LMNTD1: variants seen among roughly 807,000 people sequenced by gnomAD.
The protein encoded by LMNTD1 is lamin tail domain containing 1, also known as lamin tail domain-containing protein 1.
LMNTD1 carries 35 observed loss-of-function variants against 50.9 expected under a neutral mutation model. The ratio of observed to expected loss-of-function variants is 0.69; its 90% CI spans 0.53 to 0.91. LMNTD1 has a LOEUF of 0.91. Ranked by LOEUF, LMNTD1 falls within the 40% of genes least tolerant of loss-of-function variation. The pLI is 0.00. For synonymous variants in LMNTD1, 153 were observed against 161.9 expected (o/e 0.94, Z 0.42); for missense variants, 470 against 475.5 (o/e 0.99, Z 0.11).
chr12:25,627,300 GTTC>G (rs1395059420), intron 1 of LMNTD1, among the ~76,000 whole-genome samples: 2 of 152,112 alleles, frequency 1.3e-5, no homozygotes, highest in African/African-American at 2.4e-5. Flanking sequence ...TTTTCTTTCA[GTTC>G]TTTTTTCTTT....
At chr12:25,529,484 C>T (rs1467164560) in intron 4 of LMNTD1, among the ~76,000 whole-genome samples, 1 of 152,132 alleles carries the variant, frequency 6.6e-6, no homozygotes, top group Non-Finnish European at 1.5e-5. Flanking sequence ...TGAATTGCAC[C>T]ATTTACTCTG....
rs558489958 is a variant in LMNTD1, at chr12:25,552,344, C to T, written c.89+527G>A. Among the ~76,000 whole-genome samples the T allele has an allele frequency of 2.6e-5, 4 of 151,900 alleles. No individual in the cohort carries two copies. In the East Asian group the frequency reaches 5.8e-4, roughly 22 times the overall value. On this transcript the variant is annotated intron_variant, in intron 2 of 9. Transcript: ENST00000458174. Reference sequence around the variant, plus strand: ...TTAAATGGGAACTTTGGAGGCCAGGCGCGGTGGCTCACGCTTGTAATCCCA... The same window carrying T: ...TTAAATGGGAACTTTGGAGGCCAGGTGCGGTGGCTCACGCTTGTAATCCCA...
At chr12:25,572,264 G>A (rs1414087492) in intron 1 of LMNTD1, among the ~76,000 whole-genome samples, 1 of 152,094 alleles carries the variant, frequency 6.6e-6, no homozygotes, top group Non-Finnish European at 1.5e-5. Flanking sequence ...AACATTATGG[G>A]AAAGGTCCTT....
At chr12:25,613,431 C>T (rs1183553890) in intron 1 of LMNTD1, among the ~76,000 whole-genome samples, 1 of 152,140 alleles carries the variant, frequency 6.6e-6, no homozygotes, top group Non-Finnish European at 1.5e-5. Context: ...AAAACAATAC[C>T]TGATCAATCT....
At chr12:25,551,493 G>T (rs2136250741) in intron 2 of LMNTD1, among the ~76,000 whole-genome samples, 1 of 152,204 alleles carries the variant, frequency 6.6e-6, no homozygotes, top group Admixed American at 6.5e-5. Flanking sequence ...GGGTTCAAGT[G>T]ATCCTCCCGC....
intron 6 of LMNTD1, among the ~76,000 whole-genome samples, chr12:25,524,042 T>A (rs1338416432): frequency 6.6e-6 from 1 of 151,974 alleles, no homozygotes; most frequent in Non-Finnish European, 1.5e-5. Flanking sequence ...GTCCAGAAGG[T>A]GAAAATGGGC....
chr12:25,640,978 T>A (rs1460812184), intron 1 of LMNTD1, among the ~76,000 whole-genome samples: 1 of 152,222 alleles, frequency 6.6e-6, no homozygotes, highest in Admixed American at 6.5e-5. Context: ...GAAAAGTGTT[T>A]TTAATTTGAA....
chr12:25,514,293 A>G (rs1940570616), intron 8 of LMNTD1, among the ~76,000 whole-genome samples: 2 of 152,156 alleles, frequency 1.3e-5, no homozygotes, highest in Admixed American at 1.3e-4. Flanking sequence ...GTTGAGACAA[A>G]TGGTTTTCCA....
rs190251468 is a variant in LMNTD1 at position 25,578,672 on chromosome 12, G to C, written c.59-32118C>G. Among the ~76,000 whole-genome samples the C allele has an allele frequency of 1.6e-4, 24 of 152,264 alleles. No individual in the cohort carries two copies. In the East Asian group the frequency reaches 4.4e-3, roughly 28 times the overall value. On this transcript the variant is annotated intron_variant, in intron 1 of 7. Transcript: ENST00000445693. ...CCCACAGTTGCCATTTGCCAAGTCA[G>C]CATTGAATTTTTATGTGCAGCCTGT...
At position 25,495,566 on chromosome 12, in the gene LMNTD1, T is replaced by C. The variant is rs78859930; in HGVS notation, c.*22+8172A>G. Among the ~76,000 whole-genome samples, 521 of 152,280 alleles carry C rather than the reference T, an allele frequency of 3.4e-3. 5 individuals carry two copies. Among genetic ancestry groups the C allele is most frequent in the African/African-American group, 0.012 (496 of 41,572 alleles). ...TAAAGCCCATTGCTATCTAAGGCTG[T>C]TGAAACCTAAAAATCAATCTTTTAG... On this transcript the variant is annotated intron_variant, in intron 9 of 9. Coordinates refer to ENST00000458174, the MANE Select transcript of LMNTD1 (RefSeq NM_001145728.2).
At chr12:25,623,704 C>T (rs942003127) in intron 1 of LMNTD1, among the ~76,000 whole-genome samples, 1 of 151,950 alleles carries the variant, frequency 6.6e-6, no homozygotes. Context: ...TCTCCAATAA[C>T]ATTGGATATC....
At position 25,639,418 on chromosome 12, in the gene LMNTD1, A is replaced by T. The variant is rs1410675775; in HGVS notation, c.58+9076T>A. 6.6e-5 allele frequency among the ~76,000 whole-genome samples: 10 copies of T among 152,306 alleles called. No individual in the cohort carries two copies. The East Asian group carries it at 1.3e-3, about 21-fold the overall frequency. ...AAGAAAATATTTCCAAAGCTGATAA[A>T]AATCACGTGTCCAGAATACATAAAG... On this transcript the variant is annotated intron_variant, in intron 1 of 7. Transcript: ENST00000445693.
chr12:25,547,206 T>C (rs1323932355), intron 3 of LMNTD1: 21 of 964,908 alleles, frequency 2.2e-5, no homozygotes, highest in Non-Finnish European at 2.6e-5. Flanking sequence ...TAATAATATA[T>C]CCGCAAAGGG....
intron 1 of LMNTD1, among the ~76,000 whole-genome samples, chr12:25,625,592 T>A (rs1176953666): frequency 6.6e-6 from 1 of 152,202 alleles, no homozygotes; most frequent in African/African-American, 2.4e-5. Context: ...TTGAGCCCCC[T>A]GCTCAAGTGC....
At chr12:25,594,923 G>A (rs538998053) in intron 1 of LMNTD1, among the ~76,000 whole-genome samples, 62 of 152,174 alleles carry the variant, frequency 4.1e-4, no homozygotes, top group Admixed American at 1.6e-3. Context: ...AAGCCAGCAG[G>A]TGTACTATTC....
At chr12:25,585,361 G>T (rs1945475459) in intron 1 of LMNTD1, among the ~76,000 whole-genome samples, 1 of 152,186 alleles carries the variant, frequency 6.6e-6, no homozygotes, top group Admixed American at 6.5e-5. Flanking sequence ...CAATTACAAA[G>T]TGTTCTTTCT....
chr12:25,516,993 T>C (rs375004023), intron 8 of LMNTD1, among the ~76,000 whole-genome samples: 3 of 147,216 alleles, frequency 2.0e-5, no homozygotes, highest in Admixed American at 7.0e-5. Flanking sequence ...AAATGCAAAT[T>C]AAAACCACAA....
chr12:25,610,132 G>A (rs1010344872), intron 1 of LMNTD1, among the ~76,000 whole-genome samples: 3 of 152,178 alleles, frequency 2.0e-5, no homozygotes, highest in African/African-American at 7.2e-5. Flanking sequence ...GTGGGCATGG[G>A]ACCTGCTGAG....
Position 25,645,260 on chromosome 12 carries a change from A to G in LMNTD1, c.58+3234T>C, listed in dbSNP as rs1734970579. Among the ~76,000 whole-genome samples the G allele has an allele frequency of 2.0e-5, 3 of 152,182 alleles. No homozygotes were observed. In the South Asian group the frequency reaches 6.2e-4, roughly 31 times the overall value. ...TGTTTTCAATTAAATGATTTTAGAA[A>G]TGGGTCATGAATTGTAAGCTGGGCA... On this transcript the variant is annotated intron_variant, in intron 1 of 7. Coordinates refer to the LMNTD1 transcript ENST00000445693.
Sources: gnomAD v4.1 joint callset for allele counts (sites outside exome capture counted in the v4.1 genomes callset) on GRCh38, gnomAD v4.1.1 for gene constraint, MANE v1.5 for transcripts, NCBI Gene and HGNC (gene_info 2026-07-23, HGNC 2026-07-21) for gene names.